Variants in TRIP12 observed in about 807,000 individuals in gnomAD.
The protein encoded by TRIP12 is thyroid hormone receptor interactor 12, also known as E3 ubiquitin-protein ligase TRIP12.
TRIP12 carries 25 observed loss-of-function variants against 244.2 expected under a neutral mutation model. The ratio of observed to expected loss-of-function variants is 0.10; its 90% CI spans 0.07 to 0.14. The LOEUF is 0.14. Among genes scored for constraint, TRIP12 ranks in the 10% least tolerant of loss-of-function variants. The pLI is 1.00. For synonymous variants in TRIP12, 905 were observed against 873.1 expected (o/e 1.04, Z -0.64); for missense variants, 1,677 against 2,486.4 (o/e 0.67, Z 6.92).
intron 1 of TRIP12, among the ~76,000 whole-genome samples, chr2:229,896,288 T>C (rs1410302218): frequency 6.6e-6 from 1 of 152,138 alleles, no homozygotes; most frequent in Non-Finnish European, 1.5e-5. Context: ...TTGTTAAATA[T>C]ACTGTTTTAC....
intron 8 of TRIP12, among the ~76,000 whole-genome samples, chr2:229,827,891 A>C (rs993645308): frequency 1.3e-5 from 2 of 152,182 alleles, no homozygotes; most frequent in African/African-American, 4.8e-5. Flanking sequence ...GTGGCCCAAG[A>C]CAATTCTTCT....
At chr2:229,852,825 T>G (rs1198161879) in intron 4 of TRIP12, among the ~76,000 whole-genome samples, 3 of 152,212 alleles carry the variant, frequency 2.0e-5, no homozygotes, top group Non-Finnish European at 4.4e-5. Flanking sequence ...AATAACAAGG[T>G]CTTCCTGTTT....
At chr2:229,794,089 C>G (rs548780382) in intron 26 of TRIP12, among the ~76,000 whole-genome samples, 1 of 152,072 alleles carries the variant, frequency 6.6e-6, no homozygotes, top group South Asian at 2.1e-4. Context: ...GTCAAAATGC[C>G]CCCTTATTTC....
intron 1 of TRIP12, among the ~76,000 whole-genome samples, chr2:229,908,524 C>G (rs556297881): frequency 1.2e-3 from 188 of 151,924 alleles, no homozygotes; most frequent in Non-Finnish European, 2.4e-3. Flanking sequence ...GCAGGCGGAT[C>G]ACAAGATCAG....
At chr2:229,769,827 C>T (rs1348633865) in intron 39 of TRIP12, among the ~76,000 whole-genome samples, 2 of 152,100 alleles carry the variant, frequency 1.3e-5, no homozygotes, top group African/African-American at 2.4e-5. Flanking sequence ...GGCATGTCTA[C>T]GCTACATGGT....
chr2:229,912,036 T>A (rs1221316177), intron 1 of TRIP12, among the ~76,000 whole-genome samples: 1 of 152,190 alleles, frequency 6.6e-6, no homozygotes. Context: ...AAAAAGTATT[T>A]TGAATTACAA....
chr2:229,890,714 T>C (rs1216668069), intron 1 of TRIP12, among the ~76,000 whole-genome samples: 3 of 152,200 alleles, frequency 2.0e-5, no homozygotes, highest in Non-Finnish European at 2.9e-5. Flanking sequence ...AGAGTAATTA[T>C]ACCTAAATTC....
chr2:229,868,218 T>C (rs2061911485), intron 2 of TRIP12, among the ~76,000 whole-genome samples: 4 of 152,206 alleles, frequency 2.6e-5, no homozygotes, highest in Admixed American at 6.6e-5. Flanking sequence ...TTCATTCATT[T>C]ATTTTTTGAG....
intron 38 of TRIP12, among the ~76,000 whole-genome samples, chr2:229,773,181 T>C (rs2035072807): frequency 1.3e-5 from 2 of 151,316 alleles, no homozygotes. Flanking sequence ...GTTCAAGCGG[T>C]TCTCCTGCCT....
intron 4 of TRIP12, among the ~76,000 whole-genome samples, chr2:229,855,890 T>C (rs2059523770): frequency 6.6e-6 from 1 of 151,762 alleles, no homozygotes; most frequent in Admixed American, 6.6e-5. Context: ...ATACAAAAAT[T>C]AGCCAAGCAT....
rs191354098 is a variant in TRIP12 at position 229,906,979 on chromosome 2, T to C, written c.-50+14901A>G. Among the ~76,000 whole-genome samples the C allele has an allele frequency of 4.3e-3, 659 of 152,282 alleles. 2 individuals are homozygous for C. Among genetic ancestry groups the C allele is most frequent in the Non-Finnish European group, 7.2e-3 (492 of 68,012 alleles). ...CAGTGATAAAACACCTGAACCTAAA[T>C]CAAATTTAGAAACAGCCCCCCACAA... On this transcript the variant is annotated intron_variant, in intron 1 of 41. Transcript: ENST00000675903.
chr2:229,859,674 A>C, intron 3 of TRIP12, 100 bp from the exon 4 acceptor site: 1 of 1,287,614 alleles, frequency 7.8e-7, no homozygotes, highest in Non-Finnish European at 1.1e-6. Flanking sequence ...TGTTCCTACT[A>C]AGTCCAGTAT....
intron 31 of TRIP12, 148 bp downstream of exon 31, chr2:229,789,462 TG>T: frequency 3.9e-6 from 3 of 764,388 alleles, no homozygotes; most frequent in Non-Finnish European, 3.8e-6. Flanking sequence ...GAAAAAAAAG[TG>T]GGGGAGAAGT....
chr2:229,791,774 T>A (rs918837405), intron 29 of TRIP12, 92 bp downstream of exon 29: 24 of 1,402,028 alleles, frequency 1.7e-5, no homozygotes, highest in South Asian at 2.7e-5. Flanking sequence ...CCTATCCTTA[T>A]GAAAGCCAGC....
Position 229,778,813 on chromosome 2 carries a change from A to G in TRIP12, c.5209+63T>C. 1 of 1,468,470 alleles carries G rather than the reference A, an allele frequency of 6.8e-7. No individual in the cohort carries two copies. Among genetic ancestry groups the G allele is most frequent in the Non-Finnish European group, 9.5e-7 (1 of 1,055,886 alleles). The allele number at this position is 1,468,470 out of a possible 1,614,324, so 91.0% of individuals were successfully genotyped here. A position where few individuals can be genotyped will look rare whatever the true frequency, so the allele number is the denominator to read the frequency against. ...ATTAGAAATTAAATATGTCTAATAA[A>G]CTGTCAGAGTCCATTACCTGATCTG... On this transcript the variant is annotated intron_variant, in intron 35 of 41. Coordinates refer to ENST00000675903, the MANE Select transcript of TRIP12 (RefSeq NM_001348323.3). The surrounding 1 kb of genome is among the most constrained non-coding windows in gnomAD (Gnocchi z 4.1).
intron 1 of TRIP12, among the ~76,000 whole-genome samples, chr2:229,920,601 A>C (rs1336928964): frequency 6.6e-6 from 1 of 152,094 alleles, no homozygotes; most frequent in African/African-American, 2.4e-5. Context: ...CAGCATTATC[A>C]AAAAAACACA....
chr2:229,788,121 G>T (rs900030942), intron 32 of TRIP12, among the ~76,000 whole-genome samples: 5 of 152,148 alleles, frequency 3.3e-5, no homozygotes, highest in African/African-American at 1.2e-4. Flanking sequence ...TAATTTTTAA[G>T]AATTTTCATA....
At chr2:229,795,123 G>A in intron 26 of TRIP12, 56 bp downstream of exon 26, 1 of 1,567,304 alleles carries the variant, frequency 6.4e-7, no homozygotes, top group Non-Finnish European at 8.7e-7. Flanking sequence ...TCTTACTTCA[G>A]TGAAATTAAG....
At chr2:229,855,090 C>G (rs1170512979) in intron 4 of TRIP12, among the ~76,000 whole-genome samples, 1 of 152,114 alleles carries the variant, frequency 6.6e-6, no homozygotes. Context: ...ATGGTGAAAC[C>G]CCATCTCTAT....
Sources: gnomAD v4.1 joint callset for allele counts (sites outside exome capture counted in the v4.1 genomes callset) on GRCh38, gnomAD v4.1.1 for gene constraint, Gnocchi (gnomAD v3.1) non-coding constraint, MANE v1.5 for transcripts, NCBI Gene and HGNC (gene_info 2026-07-23, HGNC 2026-07-21) for gene names.